Variants in CTNNA3 observed in about 807,000 individuals in gnomAD.
CTNNA3 encodes the protein catenin alpha-3.
Under a neutral mutation model 95.7 loss-of-function variants are expected in CTNNA3, and 76 were observed. The ratio of observed to expected loss-of-function variants is 0.79; its 90% CI spans 0.66 to 0.96. CTNNA3 has a LOEUF of 0.96. CTNNA3 is among the 40% of genes least tolerant of loss of function. CTNNA3 has a pLI of 0.00. For missense variants in CTNNA3, 1,191 were observed against 1,089.8 expected, an observed-to-expected ratio of 1.09 and a Z score of -1.31; for synonymous variants, 431 against 374.4, an observed-to-expected ratio of 1.15 and a Z score of -1.74.
At chr10:67,554,995 C>T (rs952977518) in intron 3 of CTNNA3, among the ~76,000 whole-genome samples, 1 of 152,134 alleles carries the variant, frequency 6.6e-6, no homozygotes, top group Non-Finnish European at 1.5e-5. Flanking sequence ...TTCCCAGCAC[C>T]ATTTATTGAA....
At chr10:66,309,381 TC>T (rs962848114) in intron 12 of CTNNA3, among the ~76,000 whole-genome samples, 6 of 151,836 alleles carry the variant, frequency 4.0e-5, no homozygotes, top group African/African-American at 1.5e-4. Context: ...TCTCTGGAGC[TC>T]AAAATTCTGT....
At chr10:66,371,774 A>G (rs1424701445) in intron 12 of CTNNA3, among the ~76,000 whole-genome samples, 1 of 152,168 alleles carries the variant, frequency 6.6e-6, no homozygotes, top group Non-Finnish European at 1.5e-5. Context: ...CACTGTCTGC[A>G]AAGAAGCTCG....
chr10:65,977,792 AT>A (rs1297753450), intron 16 of CTNNA3, among the ~76,000 whole-genome samples: 36 of 151,614 alleles, frequency 2.4e-4, no homozygotes, highest in African/African-American at 7.6e-4. Context: ...AATTAAAAAA[AT>A]AATAAATAAA....
At chr10:66,933,833 T>C (rs1847542606) in intron 7 of CTNNA3, among the ~76,000 whole-genome samples, 1 of 152,198 alleles carries the variant, frequency 6.6e-6, no homozygotes, top group Non-Finnish European at 1.5e-5. Flanking sequence ...ATGTAGCTGC[T>C]CTTACCAATA....
In CTNNA3 at chr10:66,946,067, AC is replaced by A. The variant is rs1387199328; in HGVS notation, c.1048-170544del. On this transcript the variant is annotated intron_variant, in intron 7 of 17. Coordinates refer to ENST00000433211, the MANE Select transcript of CTNNA3 (RefSeq NM_013266.4). The stretch of plus-strand genomic sequence containing the variant: ...TGTAACACAGAGACATGAAATGAGC[AC>A]ATGCTGTTGAAAAACAGAGCTCATA... Among the ~76,000 whole-genome samples the A allele has an allele frequency of 2.0e-5, 3 of 152,212 alleles. No homozygotes were observed. In the East Asian group the frequency reaches 5.8e-4, roughly 29 times the overall value.
At chr10:66,395,622 T>A (rs2092969695) in intron 11 of CTNNA3, among the ~76,000 whole-genome samples, 1 of 152,024 alleles carries the variant, frequency 6.6e-6, no homozygotes, top group Admixed American at 6.6e-5. Flanking sequence ...GTACTTATTA[T>A]TTACCTTTCC....
chr10:66,797,642 C>T (rs1041349295), intron 7 of CTNNA3, among the ~76,000 whole-genome samples: 7 of 151,818 alleles, frequency 4.6e-5, no homozygotes, highest in Admixed American at 2.6e-4. Flanking sequence ...TAGCTGTGCA[C>T]GTGATTTTGC....
chr10:66,444,599 A>C (rs1244883763), intron 11 of CTNNA3, among the ~76,000 whole-genome samples: 1 of 152,092 alleles, frequency 6.6e-6, no homozygotes, highest in Non-Finnish European at 1.5e-5. Context: ...AGGAGAAATA[A>C]AATACTTTAC....
chr10:66,931,543 G>A (rs1272935955), intron 7 of CTNNA3, among the ~76,000 whole-genome samples: 1 of 152,178 alleles, frequency 6.6e-6, no homozygotes, highest in African/African-American at 2.4e-5. Context: ...CTATGGAGCA[G>A]CAGTGACCTC....
intron 11 of CTNNA3, among the ~76,000 whole-genome samples, chr10:66,478,602 A>G (rs1839407847): frequency 6.6e-6 from 1 of 151,968 alleles, no homozygotes; most frequent in African/African-American, 2.4e-5. Context: ...TTGGAAAATA[A>G]TCATGCTTTT....
At chr10:66,727,684 G>A (rs920508644) in intron 9 of CTNNA3, among the ~76,000 whole-genome samples, 3 of 152,000 alleles carry the variant, frequency 2.0e-5, no homozygotes, top group Admixed American at 2.0e-4. Context: ...ATTAATGAGT[G>A]GAATGTTGAA....
At chr10:67,493,266 A>G (rs1236713792) in intron 5 of CTNNA3, among the ~76,000 whole-genome samples, 2 of 151,844 alleles carry the variant, frequency 1.3e-5, no homozygotes, top group Non-Finnish European at 2.9e-5. Context: ...CTTTTATGTT[A>G]AGAGTTTGAT....
chr10:66,810,495 A>G (rs981696330), intron 7 of CTNNA3, among the ~76,000 whole-genome samples: 1 of 152,030 alleles, frequency 6.6e-6, no homozygotes, highest in Non-Finnish European at 1.5e-5. Context: ...TCAATTTCAG[A>G]TCTCCCATCC....
intron 7 of CTNNA3, among the ~76,000 whole-genome samples, chr10:67,070,338 A>C (rs1313570754): frequency 1.3e-5 from 2 of 151,770 alleles, no homozygotes; most frequent in Non-Finnish European, 2.9e-5. Flanking sequence ...ATCTTCTCCC[A>C]CTCTGTGACT....
At chr10:66,331,342 G>GTTTTTTTTTTT (rs60709020) in intron 12 of CTNNA3, among the ~76,000 whole-genome samples, 4 of 80,336 alleles carry the variant, frequency 5.0e-5, no homozygotes, top group Non-Finnish European at 7.1e-5. Flanking sequence ...CCCATTGTTT[G>GTTTTTTTTTTT]TTTTTTTTTT....
In CTNNA3 at chr10:66,775,525, C is replaced by A; in HGVS notation, c.1048-1G>T. On this transcript the variant is annotated splice_acceptor_variant, in intron 7 of 17. Coordinates refer to ENST00000433211, the MANE Select transcript of CTNNA3 (RefSeq NM_013266.4). LOFTEE classifies it high-confidence loss of function. ...TATTACTCCTTTCTTTTTTTCCAGC[C>A]TGCAAAGAAGAAAAAACGACATAAG... The A allele has an allele frequency of 6.2e-7, 1 of 1,601,876 alleles. No individual in the cohort carries two copies. The highest frequency in any genetic ancestry group is 8.5e-7 in the Non-Finnish European group (1 of 1,174,428).
intron 7 of CTNNA3, among the ~76,000 whole-genome samples, chr10:66,980,358 C>G (rs1850347481): frequency 6.6e-6 from 1 of 152,162 alleles, no homozygotes; most frequent in Non-Finnish European, 1.5e-5. Flanking sequence ...TGTCTGCTTG[C>G]TCTGTTAGCA....
intron 1 of CTNNA3, among the ~76,000 whole-genome samples, chr10:67,725,429 G>A (rs867340861): frequency 2.0e-5 from 3 of 151,988 alleles, no homozygotes; most frequent in South Asian, 2.1e-4. Flanking sequence ...CGCCCACCTC[G>A]GCCTCCCAAA....
intron 17 of CTNNA3, among the ~76,000 whole-genome samples, chr10:65,927,157 T>A (rs1049207275): frequency 1.3e-5 from 2 of 152,182 alleles, no homozygotes; most frequent in African/African-American, 4.8e-5. Flanking sequence ...ATGATTTCAA[T>A]ATGTTTTCAC....
Sources: allele counts gnomAD v4.1 joint callset (sites outside exome capture counted in the v4.1 genomes callset), GRCh38; gene constraint gnomAD v4.1.1; transcripts MANE v1.5; gene names NCBI Gene and HGNC (gene_info 2026-07-23, HGNC 2026-07-21).